Variants in SLC4A10 observed in about 807,000 individuals in gnomAD.
The protein encoded by SLC4A10 is solute carrier family 4 member 10.
SLC4A10 carries 42 observed loss-of-function variants against 137.7 expected under a neutral mutation model. That is an observed-to-expected ratio of 0.30 (90% CI 0.24 to 0.39). The LOEUF (loss-of-function observed/expected upper bound fraction) is 0.39. SLC4A10 is among the 10% of genes least tolerant of loss of function. SLC4A10 has a pLI of 1.00. For synonymous variants in SLC4A10, 474 were observed against 464.1 expected, an observed-to-expected ratio of 1.02 and a Z score of -0.27; for missense variants, 925 against 1,355.0, an observed-to-expected ratio of 0.68 and a Z score of 4.98.
chr2:161,976,833 G>T lies in SLC4A10; in HGVS notation c.3301G>T (p.Ala1101Ser). The T allele has an allele frequency of 6.2e-7, 1 of 1,603,784 alleles. No individual in the cohort carries two copies. The highest frequency in any genetic ancestry group is 8.5e-7 in the Non-Finnish European group (1 of 1,174,966). ...TALWRNLLIT[A>S]DNSKDKESSF... The stretch of plus-strand genomic sequence containing the variant: ...CTTGTGGAGGAACCTTCTGATTACT[G>T]CCGATAACTCAAAAGATAAGGAGTC... The change falls in exon 25 of 27, where the codon GCC (alanine) becomes TCC (serine). Residue 1101 changes from alanine (A) to serine (S), a missense_variant. Transcript: ENST00000446997.
At chr2:161,808,492 G>A (rs2056224774) in intron 3 of SLC4A10, among the ~76,000 whole-genome samples, 2 of 152,082 alleles carry the variant, frequency 1.3e-5, no homozygotes, top group African/African-American at 2.4e-5. Context: ...GTGTGATGCT[G>A]GGGTTTGGGA....
At chr2:161,910,800 A>G (rs1685644786) in intron 15 of SLC4A10, among the ~76,000 whole-genome samples, 2 of 152,002 alleles carry the variant, frequency 1.3e-5, no homozygotes, top group African/African-American at 2.4e-5. Context: ...TCTGTTTTGA[A>G]TAAATGTTAT....
chr2:161,640,443 T>C (rs920751949), intron 1 of SLC4A10, among the ~76,000 whole-genome samples: 5 of 152,246 alleles, frequency 3.3e-5, no homozygotes, highest in South Asian at 2.1e-4. Flanking sequence ...AGAAAGATTG[T>C]ATACCAGTTT....
chr2:161,729,285 G>T (rs1033128277), intron 1 of SLC4A10, among the ~76,000 whole-genome samples: 3 of 151,890 alleles, frequency 2.0e-5, no homozygotes, highest in Admixed American at 6.6e-5. Flanking sequence ...ATTCTCCCAA[G>T]GAATCTAAAA....
At chr2:161,806,546 A>G (rs576360726) in intron 3 of SLC4A10, among the ~76,000 whole-genome samples, 42 of 152,196 alleles carry the variant, frequency 2.8e-4, no homozygotes, top group African/African-American at 9.9e-4. Flanking sequence ...CAGATACCCT[A>G]AATCATCTCT....
At chr2:161,790,451 TTAG>T (rs930498965) in intron 2 of SLC4A10, among the ~76,000 whole-genome samples, 1 of 152,190 alleles carries the variant, frequency 6.6e-6, no homozygotes, top group African/African-American at 2.4e-5. Flanking sequence ...TTTGTGCAAC[TTAG>T]TAGTGTTGAT....
chr2:161,853,677 T>G (rs55961814), intron 4 of SLC4A10, among the ~76,000 whole-genome samples: 9,251 of 152,236 alleles, frequency 0.061, 371 homozygotes, highest in East Asian at 0.13. Context: ...TCTATAAAAT[T>G]CCCAGCCTTG....
At chr2:161,769,067 A>G (rs936440039) in intron 1 of SLC4A10, among the ~76,000 whole-genome samples, 3 of 152,004 alleles carry the variant, frequency 2.0e-5, no homozygotes, top group Non-Finnish European at 2.9e-5. Flanking sequence ...ACTTTCCTCT[A>G]CAGTGTAACA....
chr2:161,931,536 AC>A (rs1218684373), intron 15 of SLC4A10: 1 of 152,184 alleles, frequency 6.6e-6, no homozygotes, highest in Non-Finnish European at 1.5e-5. Flanking sequence ...ATGTGTTAAT[AC>A]TTTTTAAATC....
At chr2:161,816,973 A>G (rs1368317863) in intron 3 of SLC4A10, among the ~76,000 whole-genome samples, 1 of 152,204 alleles carries the variant, frequency 6.6e-6, no homozygotes, top group African/African-American at 2.4e-5. Context: ...AGCATGATTT[A>G]TAGTCCTTTG....
intron 2 of SLC4A10, among the ~76,000 whole-genome samples, chr2:161,801,512 A>G (rs1184961303): frequency 1.3e-5 from 2 of 152,130 alleles, no homozygotes; most frequent in Non-Finnish European, 2.9e-5. Flanking sequence ...TTTGACAGGT[A>G]GCATCTCTAC....
chr2:161,644,954 C>G (rs1251588254), intron 1 of SLC4A10, among the ~76,000 whole-genome samples: 1 of 152,098 alleles, frequency 6.6e-6, no homozygotes, highest in South Asian at 2.1e-4. Flanking sequence ...ACAAGAAGGA[C>G]TGGATCTTAA....
At position 161,730,417 on chromosome 2, in the gene SLC4A10, G is replaced by A. The variant is rs76036079; in HGVS notation, c.49-40556G>A. Among the ~76,000 whole-genome samples, 592 of 152,162 alleles carry A rather than the reference G, an allele frequency of 3.9e-3. 4 individuals are homozygous for A. The highest frequency in any genetic ancestry group is 0.014 in the African/African-American group (565 of 41,520). ...TCACTCATAAAACAATCTATTATCT[G>A]TCTATTTATCTATTATCTCTCACTC... On this transcript the variant is annotated intron_variant, in intron 1 of 26. Coordinates refer to ENST00000446997, the MANE Select transcript of SLC4A10 (RefSeq NM_001178015.2).
At chr2:161,947,195 T>G (rs1261362234) in intron 16 of SLC4A10, among the ~76,000 whole-genome samples, 1 of 152,148 alleles carries the variant, frequency 6.6e-6, no homozygotes, top group Non-Finnish European at 1.5e-5. Flanking sequence ...TGTATTTAAA[T>G]AGCTGGGCAT....
chr2:161,833,044 C>T (rs1302072589), intron 3 of SLC4A10, among the ~76,000 whole-genome samples: 1 of 152,206 alleles, frequency 6.6e-6, no homozygotes, highest in Non-Finnish European at 1.5e-5. Context: ...CGCGCCCGGC[C>T]GCATTTTCTT....
At chr2:161,684,465 G>A (rs2041180603) in intron 1 of SLC4A10, among the ~76,000 whole-genome samples, 1 of 152,244 alleles carries the variant, frequency 6.6e-6, no homozygotes, top group African/African-American at 2.4e-5. Flanking sequence ...CCAGCTATAG[G>A]TACAAAACAA....
intron 1 of SLC4A10, among the ~76,000 whole-genome samples, chr2:161,733,768 GC>G (rs1040955620): frequency 2.0e-5 from 3 of 152,334 alleles, no homozygotes; most frequent in African/African-American, 7.2e-5. Context: ...ACCCGTGAAA[GC>G]AGCCAGGAGG....
chr2:161,661,213 G>T (rs1335021795), intron 1 of SLC4A10, among the ~76,000 whole-genome samples: 1 of 151,960 alleles, frequency 6.6e-6, no homozygotes, highest in Non-Finnish European at 1.5e-5. Flanking sequence ...AGTAGCTCAC[G>T]CCTGTAATCC....
chr2:161,895,747 T>A (rs1461748615), intron 11 of SLC4A10, among the ~76,000 whole-genome samples: 4 of 152,160 alleles, frequency 2.6e-5, no homozygotes, highest in Non-Finnish European at 5.9e-5. Flanking sequence ...TTTGCCCACT[T>A]TTTGATGGGG....
Sources: allele counts gnomAD v4.1 joint callset (sites outside exome capture counted in the v4.1 genomes callset), GRCh38; gene constraint gnomAD v4.1.1; transcripts MANE v1.5; gene names NCBI Gene and HGNC (gene_info 2026-07-23, HGNC 2026-07-21).